The following RGS6 variants were observed in gnomAD, a reference collection of about 807,000 sequenced individuals.
The protein encoded by RGS6 is regulator of G-protein signaling 6.
RGS6 carries 30 observed loss-of-function variants against 78.5 expected under a neutral mutation model. The observed-to-expected ratio is 0.38, with a 90% confidence interval of 0.29 to 0.52. The LOEUF (loss-of-function observed/expected upper bound fraction) is 0.52. Among genes scored for constraint, RGS6 ranks in the 20% least tolerant of loss-of-function variants. RGS6 has a pLI of 0.85. For synonymous variants in RGS6, 206 were observed against 206.0 expected, an observed-to-expected ratio of 1.00 and a Z score of 0.00; for missense variants, 495 against 609.7, an observed-to-expected ratio of 0.81 and a Z score of 1.98.
chr14:72,396,490 A>G (rs2091306988), intron 3 of RGS6, among the ~76,000 whole-genome samples: 1 of 152,050 alleles, frequency 6.6e-6, no homozygotes, highest in South Asian at 2.1e-4. Flanking sequence ...TCCATTCTGT[A>G]GGTTGCCTGT....
At chr14:72,190,046 C>T (rs1485587568) in intron 2 of RGS6, among the ~76,000 whole-genome samples, 1 of 152,164 alleles carries the variant, frequency 6.6e-6, no homozygotes, top group Non-Finnish European at 1.5e-5. Flanking sequence ...CAACCTATCC[C>T]CAAGGACTTT....
At chr14:72,626,130 T>C in the RGS6 span, among the ~76,000 whole-genome samples, 1 of 152,190 alleles carries the variant, frequency 6.6e-6, no homozygotes, top group Admixed American at 6.5e-5. Flanking sequence ...TATTTCATTT[T>C]AGTTTTTCCC....
At chr14:72,050,508 A>G (rs186195371) in intron 2 of RGS6, among the ~76,000 whole-genome samples, 9 of 152,302 alleles carry the variant, frequency 5.9e-5, no homozygotes, top group African/African-American at 1.4e-4. Flanking sequence ...CTTCTGTTTC[A>G]TAGTGGATGG....
At chr14:72,231,423 T>C (rs775255217) in intron 2 of RGS6, among the ~76,000 whole-genome samples, 33 of 152,362 alleles carry the variant, frequency 2.2e-4, no homozygotes, top group Non-Finnish European at 3.8e-4. Flanking sequence ...AGTTATTTAA[T>C]AAGCATTGAT....
At chr14:72,210,837 T>C (rs1434685602) in intron 2 of RGS6, among the ~76,000 whole-genome samples, 1 of 152,146 alleles carries the variant, frequency 6.6e-6, no homozygotes, top group African/African-American at 2.4e-5. Context: ...TGTTTTTTTT[T>C]AAACCATCAT....
At chr14:72,285,407 T>G (rs1567664317) in intron 2 of RGS6, among the ~76,000 whole-genome samples, 1 of 152,126 alleles carries the variant, frequency 6.6e-6, no homozygotes, top group Non-Finnish European at 1.5e-5. Flanking sequence ...TCTAATGGTT[T>G]TATATGGGTT....
At chr14:72,629,776 T>C in the RGS6 span, 6 of 1,446,006 alleles carry the variant, frequency 4.1e-6, no homozygotes, top group Non-Finnish European at 2.8e-6. Flanking sequence ...GGCCAAAGTA[T>C]GAACTGCCAC....
At chr14:72,366,980 A>G (rs2082565210) in intron 3 of RGS6, among the ~76,000 whole-genome samples, 1 of 152,148 alleles carries the variant, frequency 6.6e-6, no homozygotes. Flanking sequence ...AGAAACACAA[A>G]TTCCTAGCAT....
chr14:71,899,595 C>T, the RGS6 span, among the ~76,000 whole-genome samples: 4 of 152,110 alleles, frequency 2.6e-5, no homozygotes, highest in Non-Finnish European at 5.9e-5. Context: ...TTCAAGTAAC[C>T]CAGGCCTAAA....
At chr14:72,507,014 A>AAAAAAAAAAAT (rs2096813812) in intron 13 of RGS6, among the ~76,000 whole-genome samples, 1 of 134,430 alleles carries the variant, frequency 7.4e-6, no homozygotes, top group Non-Finnish European at 1.5e-5. Flanking sequence ...AAAAAAAAAA[A>AAAAAAAAAAAT]AAAAATTAGC....
At chr14:72,550,605 C>T (rs955337589) in intron 17 of RGS6, 14 of 1,534,434 alleles carry the variant, frequency 9.1e-6, no homozygotes, top group South Asian at 4.8e-5. Context: ...CTGATACGTG[C>T]TCTGTCCTGG....
rs185855580 is a variant in RGS6, at chr14:72,361,431, G to A, written c.184+9237G>A. 2.2e-4 allele frequency among the ~76,000 whole-genome samples: 33 copies of A among 152,234 alleles called. 1 individual carries two copies. Among genetic ancestry groups the A allele is most frequent in the Admixed American group, 6.5e-5 (1 of 15,300 alleles). ...AATTACCACAAATTGTAAGTCAAGT[G>A]GCAAAGAAATTTTGGAGTTTTCAGA... is the stretch of plus-strand genomic sequence containing the variant. On this transcript the variant is annotated intron_variant, in intron 3 of 17. Transcript: ENST00000553525.
At position 71,969,492 on chromosome 14, in the gene RGS6, G is replaced by A. The variant is rs189052338; in HGVS notation, c.84+4617G>A. On this transcript the variant is annotated intron_variant, in intron 2 of 17. Coordinates refer to ENST00000553525, the MANE Select transcript of RGS6 (RefSeq NM_001204424.2). ...GTCTTCTACATCCAGAAGGATGGAG[G>A]CATGGCAGATGTCACACTCTGGATG... 2.0e-3 allele frequency among the ~76,000 whole-genome samples: 309 copies of A among 152,214 alleles called. 2 individuals carry two copies. The highest frequency in any genetic ancestry group is 7.0e-3 in the African/African-American group (292 of 41,506).
intron 2 of RGS6, among the ~76,000 whole-genome samples, chr14:72,248,965 A>G (rs2054934115): frequency 6.6e-6 from 1 of 152,220 alleles, no homozygotes; most frequent in Non-Finnish European, 1.5e-5. Flanking sequence ...TTGCAGCTAT[A>G]ACTGCAGTTT....
chr14:72,127,418 TATTTA>T (rs2096222262), intron 2 of RGS6, among the ~76,000 whole-genome samples: 3 of 152,230 alleles, frequency 2.0e-5, no homozygotes, highest in Admixed American at 1.3e-4. Context: ...TACATTTTAA[TATTTA>T]ATTGTTTTTT....
intron 2 of RGS6, among the ~76,000 whole-genome samples, chr14:72,145,858 C>G (rs7157995): frequency 0.51 from 77,698 of 151,942 alleles, 19,976 homozygotes; most frequent in Middle Eastern, 0.59. Context: ...GTAGAGGAAT[C>G]TCATCTGTCT....
Position 72,459,760 on chromosome 14 carries a change from G to C in RGS6, c.394+77G>C, listed in dbSNP as rs1316370655. 2.1e-6 allele frequency: 3 copies of C among 1,434,646 alleles called. No homozygotes were observed. In the East Asian group the frequency reaches 6.8e-5, roughly 33 times the overall value. The allele number at this position is 1,434,646 out of a possible 1,614,324, so 88.9% of individuals were successfully genotyped here. A position where few individuals can be genotyped will look rare whatever the true frequency, so the allele number is the denominator to read the frequency against. ...CTGGGGGTGCAGAAGACAAATGCTT[G>C]GTGTGGGCCATGGTGGTACATGGGG... On this transcript the variant is annotated intron_variant, in intron 6 of 17. Coordinates refer to ENST00000553525, the MANE Select transcript of RGS6 (RefSeq NM_001204424.2).
At chr14:72,111,030 G>A (rs1205266289) in intron 2 of RGS6, among the ~76,000 whole-genome samples, 1 of 151,992 alleles carries the variant, frequency 6.6e-6, no homozygotes, top group Non-Finnish European at 1.5e-5. Context: ...TTTTCTCATT[G>A]TTCCTCAAAT....
intron 2 of RGS6, among the ~76,000 whole-genome samples, chr14:72,199,949 C>T (rs555111726): frequency 1.3e-5 from 2 of 152,312 alleles, no homozygotes; most frequent in South Asian, 2.1e-4. Flanking sequence ...CCAATCATTT[C>T]GATAGAGATC....
Sources: allele counts gnomAD v4.1 joint callset (sites outside exome capture counted in the v4.1 genomes callset), GRCh38; gene constraint gnomAD v4.1.1; transcripts MANE v1.5; gene names NCBI Gene and HGNC (gene_info 2026-07-23, HGNC 2026-07-21).